Variants in DNM3 observed in about 807,000 individuals in gnomAD.
DNM3 encodes dynamin 3.
A neutral mutation model predicts 101.6 loss-of-function variants in DNM3; 47 were observed. That is an observed-to-expected ratio of 0.46 (90% CI 0.37 to 0.59). DNM3 has a LOEUF of 0.59. Among genes scored for constraint, DNM3 ranks in the 20% least tolerant of loss-of-function variants. The probability of loss-of-function intolerance (pLI) is 0.00; values close to 1 mark genes in which losing one functional copy is unlikely to be tolerated. For missense variants in DNM3, 849 were observed against 1,085.7 expected, an observed-to-expected ratio of 0.78 and a Z score of 3.06; for synonymous variants, 385 against 387.9, an observed-to-expected ratio of 0.99 and a Z score of 0.09.
intron 11 of DNM3, among the ~76,000 whole-genome samples, chr1:172,070,213 T>G (rs2052048311): frequency 6.6e-6 from 1 of 152,202 alleles, no homozygotes; most frequent in African/African-American, 2.4e-5. Flanking sequence ...GAAAACAGGC[T>G]TTGTGATTCA....
intron 13 of DNM3, among the ~76,000 whole-genome samples, chr1:172,116,023 T>C (rs981900237): frequency 1.3e-5 from 2 of 152,176 alleles, no homozygotes; most frequent in Non-Finnish European, 2.9e-5. Flanking sequence ...ATTCAACGGA[T>C]GGATGGATGG....
intron 17 of DNM3, among the ~76,000 whole-genome samples, chr1:172,326,696 A>G (rs183258909): frequency 4.6e-5 from 7 of 152,158 alleles, no homozygotes; most frequent in Admixed American, 3.9e-4. Flanking sequence ...TATTTTTGAT[A>G]TTAAATTAGG....
intron 20 of DNM3, among the ~76,000 whole-genome samples, chr1:172,395,206 T>TATC (rs2069879669): frequency 6.6e-6 from 1 of 151,184 alleles, no homozygotes; most frequent in African/African-American, 2.4e-5. Context: ...GCGGAGTCTC[T>TATC]ATCACCCAGG....
At chr1:172,121,385 G>A (rs1383352780) in intron 13 of DNM3, among the ~76,000 whole-genome samples, 2 of 152,232 alleles carry the variant, frequency 1.3e-5, no homozygotes, top group African/African-American at 2.4e-5. Flanking sequence ...ATTCTGGGAA[G>A]CAATAAGAAG....
intron 4 of DNM3, among the ~76,000 whole-genome samples, chr1:172,020,684 A>G (rs1169479762): frequency 7.2e-6 from 1 of 139,814 alleles, no homozygotes; most frequent in Non-Finnish European, 1.5e-5. Flanking sequence ...AGATCACGCC[A>G]CTGCACTCCA....
chr1:171,988,947 TTA>T lies in DNM3; in HGVS notation c.389_390del (p.Leu130Ter). 1 of 1,584,046 alleles carries T rather than the reference TTA, an allele frequency of 6.3e-7. No individual in the cohort carries two copies. Among genetic ancestry groups the T allele is most frequent in the Non-Finnish European group, 8.6e-7 (1 of 1,163,884 alleles). ...ACTCCTTTATCCTTTCCACACAGTG[TTA>T]AATCTAACCCTTATTGATCTACCTG... Reference protein sequence around the residue: ...INLRVYSPHVLNLTLIDLPGI... With the variant: ...INLRVYSPHVXNLTLIDLPGI... On this transcript the variant is annotated frameshift_variant, in exon 4 of 21. Transcript: ENST00000627582. LOFTEE classifies it high-confidence loss of function.
intron 1 of DNM3, among the ~76,000 whole-genome samples, chr1:171,847,754 C>T (rs1456025183): frequency 1.3e-5 from 2 of 151,852 alleles, no homozygotes; most frequent in Non-Finnish European, 2.9e-5. Flanking sequence ...TAAAGGCAAA[C>T]CTGAAAATGG....
chr1:172,058,546 G>T (rs7513531), intron 10 of DNM3, among the ~76,000 whole-genome samples: 3 of 151,968 alleles, frequency 2.0e-5, no homozygotes, highest in Admixed American at 2.0e-4. Context: ...GAATCTCACT[G>T]AAAACCCCTC....
intron 20 of DNM3, among the ~76,000 whole-genome samples, chr1:172,398,645 C>T (rs2070216497): frequency 6.6e-6 from 1 of 152,152 alleles, no homozygotes; most frequent in Admixed American, 6.5e-5. Flanking sequence ...TTTCCAAGTC[C>T]AGCCATCTTC....
intron 14 of DNM3, chr1:172,139,509 AACAGGAACCTATTTAAATG>A (rs1297562300): frequency 6.5e-6 from 1 of 152,690 alleles, no homozygotes; most frequent in Non-Finnish European, 1.5e-5. Context: ...TATGTGAAAC[AACAGGAACCTATTTAAATG>A]TCTCATTTTC....
At chr1:172,243,392 A>G (rs2061820682) in intron 14 of DNM3, among the ~76,000 whole-genome samples, 1 of 152,156 alleles carries the variant, frequency 6.6e-6, no homozygotes, top group South Asian at 2.1e-4. Context: ...ATGTCATGAG[A>G]ATGGAAAAGG....
At chr1:172,131,104 A>T in intron 13 of DNM3, 71 bp from the exon 14 acceptor site, 1 of 1,300,002 alleles carries the variant, frequency 7.7e-7, no homozygotes, top group Non-Finnish European at 1.1e-6. Flanking sequence ...TTAACTTCTT[A>T]GTCCAAGACA....
intron 17 of DNM3, among the ~76,000 whole-genome samples, chr1:172,374,713 T>G (rs1355204647): frequency 6.6e-6 from 1 of 152,112 alleles, no homozygotes; most frequent in African/African-American, 2.4e-5. Flanking sequence ...GCTGCTTTCA[T>G]ATTATTTGAA....
rs1177222721 is a variant in DNM3 at position 172,140,838 on chromosome 1, AT to A, written c.1659+9551del. The stretch of plus-strand genomic sequence containing the variant: ...TGTGACATATGCACACTTCATTGTT[AT>A]GTTGAACCTGCCCCTAAACTTGTTA... On this transcript the variant is annotated intron_variant, in intron 14 of 20. Coordinates refer to ENST00000627582, the MANE Select transcript of DNM3 (RefSeq NM_015569.5). Among the ~76,000 whole-genome samples, 18 of 152,144 alleles carry A rather than the reference AT, an allele frequency of 1.2e-4. No homozygotes were observed. In the East Asian group the frequency reaches 3.5e-3, roughly 29 times the overall value.
chr1:172,171,166 A>G (rs745796911), intron 14 of DNM3, among the ~76,000 whole-genome samples: 50 of 151,872 alleles, frequency 3.3e-4, no homozygotes, highest in Non-Finnish European at 6.5e-4. Flanking sequence ...GGAATAGCAC[A>G]TAATTCCAAA....
At chr1:172,025,616 A>T (rs1295626049) in intron 4 of DNM3, among the ~76,000 whole-genome samples, 2 of 152,200 alleles carry the variant, frequency 1.3e-5, no homozygotes, top group East Asian at 3.9e-4. Flanking sequence ...AACAGACAGC[A>T]GTCTTTGCTG....
chr1:172,190,566 T>A (rs1175098929), intron 14 of DNM3, among the ~76,000 whole-genome samples: 1 of 152,194 alleles, frequency 6.6e-6, no homozygotes, highest in East Asian at 1.9e-4. Flanking sequence ...GTATTTCTAG[T>A]TCTAGATCCT....
chr1:172,048,238 G>C (rs1283288934), intron 9 of DNM3, among the ~76,000 whole-genome samples: 1 of 152,144 alleles, frequency 6.6e-6, no homozygotes, highest in Non-Finnish European at 1.5e-5. Flanking sequence ...AGTTGTCCTG[G>C]AATGGATAAA....
intron 1 of DNM3, among the ~76,000 whole-genome samples, chr1:171,895,972 G>A (rs1195721209): frequency 1.3e-5 from 2 of 152,062 alleles, no homozygotes; most frequent in Admixed American, 1.3e-4. Context: ...TATTTCTGAG[G>A]CCTCTGTTCT....
Sources: allele counts gnomAD v4.1 joint callset (sites outside exome capture counted in the v4.1 genomes callset), GRCh38; gene constraint gnomAD v4.1.1; transcripts MANE v1.5; gene names NCBI Gene and HGNC (gene_info 2026-07-23, HGNC 2026-07-21).